Variants in PTPN11 observed in about 807,000 individuals in gnomAD.
PTPN11 encodes the protein tyrosine-protein phosphatase non-receptor type 11.
PTPN11 carries 6 observed loss-of-function variants against 78.8 expected under a neutral mutation model. The observed-to-expected ratio is 0.08, with a 90% CI of 0.04 to 0.15. PTPN11 has a LOEUF of 0.15. Among genes scored for constraint, PTPN11 ranks in the 10% least tolerant of loss-of-function variants. The probability of loss-of-function intolerance (pLI) is 1.00; values close to 1 mark genes in which losing one functional copy is unlikely to be tolerated. For missense variants in PTPN11, 386 were observed against 744.8 expected (o/e 0.52, Z 5.61); for synonymous variants, 221 against 263.5 (o/e 0.84, Z 1.56).
chr12:112,464,729 A>C (rs1175548292), intron 6 of PTPN11, among the ~76,000 whole-genome samples: 1 of 150,588 alleles, frequency 6.6e-6, no homozygotes, highest in Non-Finnish European at 1.5e-5. Flanking sequence ...CTGGCCAGTT[A>C]TTAATTTTTT....
At chr12:112,454,103 A>G (rs1566169193) in intron 4 of PTPN11, among the ~76,000 whole-genome samples, 1 of 152,154 alleles carries the variant, frequency 6.6e-6, no homozygotes, top group South Asian at 2.1e-4. Context: ...CACTTTTAGT[A>G]TATTTGTATA....
rs1317762864 is a variant in PTPN11, at chr12:112,507,123, C to T, written c.*1331C>T. On this transcript the variant is annotated 3_prime_UTR_variant, in exon 16 of 16. Coordinates refer to ENST00000351677, the MANE Select transcript of PTPN11 (RefSeq NM_002834.5). ...AGTGGGGGGCCACTAGTCTAACAGA[C>T]GGTCACAACCAGTGCCATGGAAAAC... 2.6e-5 allele frequency: 4 copies of T among 154,280 alleles called. No homozygotes were observed. Among genetic ancestry groups the T allele is most frequent in the Non-Finnish European group, 5.8e-5 (4 of 69,390 alleles). 9.6% of individuals were successfully genotyped at this position (154,280 alleles called of 1,614,324 possible). A position where few individuals can be genotyped will look rare whatever the true frequency, so the allele number is the denominator to read the frequency against.
At chr12:112,432,921 C>T (rs546862003) in intron 1 of PTPN11, among the ~76,000 whole-genome samples, 13 of 151,342 alleles carry the variant, frequency 8.6e-5, no homozygotes, top group African/African-American at 2.7e-4. Context: ...TGTGTAGTGG[C>T]GTGATCTGGG....
chr12:112,428,396 CTTTTTT>C (rs11312766), intron 1 of PTPN11, among the ~76,000 whole-genome samples: 1 of 84,482 alleles, frequency 1.2e-5, no homozygotes, highest in Non-Finnish European at 2.4e-5. Flanking sequence ...TGTGTGTTGT[CTTTTTT>C]TTTTTTTTTT....
At chr12:112,419,663 C>T (rs1296302069) in intron 1 of PTPN11, among the ~76,000 whole-genome samples, 1 of 152,234 alleles carries the variant, frequency 6.6e-6, no homozygotes, top group East Asian at 1.9e-4. Flanking sequence ...CCTCCTACCC[C>T]TCACGTGCCA....
At chr12:112,478,827 G>A (rs936777073) in intron 9 of PTPN11, among the ~76,000 whole-genome samples, 6 of 152,018 alleles carry the variant, frequency 3.9e-5, no homozygotes, top group East Asian at 3.9e-4. Context: ...TCTGCCTCCC[G>A]GTTCAAATGA....
intron 13 of PTPN11, among the ~76,000 whole-genome samples, chr12:112,498,515 T>C (rs1252050156): frequency 2.0e-5 from 3 of 152,204 alleles, no homozygotes; most frequent in South Asian, 4.1e-4. Context: ...GGTTTATGAA[T>C]GTAATCAGTT....
At chr12:112,452,143 TG>T (rs2038087029) in intron 3 of PTPN11, among the ~76,000 whole-genome samples, 1 of 152,198 alleles carries the variant, frequency 6.6e-6, no homozygotes. Flanking sequence ...CTCAAAGTGC[TG>T]GGATTATAGG....
At chr12:112,431,664 G>C (rs1331140016) in intron 1 of PTPN11, among the ~76,000 whole-genome samples, 10 of 152,274 alleles carry the variant, frequency 6.6e-5, no homozygotes, top group African/African-American at 2.2e-4. Flanking sequence ...GGGCCATGCC[G>C]TACAGGGTCC....
At position 112,459,523 on chromosome 12, in the gene PTPN11, G is replaced by A. The variant is rs2038215495; in HGVS notation, c.756+3460G>A. Among the ~76,000 whole-genome samples the A allele has an allele frequency of 2.0e-5, 3 of 151,178 alleles. No homozygotes were observed. The South Asian group carries it at 6.3e-4, about 32-fold the overall frequency. On this transcript the variant is annotated intron_variant, in intron 6 of 15. Coordinates refer to ENST00000351677, the MANE Select transcript of PTPN11 (RefSeq NM_002834.5). ...ACTCTGTCCCCCAAGCTGGAGTGCT[G>A]TGGCTTGATCTTGGCTCACTACAAC...
intron 6 of PTPN11, among the ~76,000 whole-genome samples, chr12:112,464,212 T>C (rs1179870094): frequency 1.3e-5 from 2 of 152,238 alleles, no homozygotes; most frequent in African/African-American, 4.8e-5. Flanking sequence ...CTACACGTCA[T>C]TTCAGGTATC....
rs1459303973 is a variant in PTPN11, at chr12:112,449,211, G to T, written c.138-1107G>T. Among the ~76,000 whole-genome samples the T allele has an allele frequency of 1.2e-3, 176 of 143,376 alleles. 1 individual carries two copies. The South Asian group carries it at 0.017, about 14-fold the overall frequency. The allele number at this position is 143,376 out of a possible 152,430, so 94.1% of individuals were successfully genotyped here. ...CATCACTTTTTTTTTTTTCTTAATT[G>T]CTGCATAGTGGCCGGGCACAGTGGC... On this transcript the variant is annotated intron_variant, in intron 2 of 15. Coordinates refer to ENST00000351677, the MANE Select transcript of PTPN11 (RefSeq NM_002834.5).
At chr12:112,455,866 G>C in intron 5 of PTPN11, 84 bp from the exon 6 acceptor site, 1 of 832,534 alleles carries the variant, frequency 1.2e-6, no homozygotes, top group East Asian at 2.5e-5. Flanking sequence ...TATCAACATA[G>C]ACATGTTTTT....
chr12:112,505,516 A>G (rs2038921725), intron 15 of PTPN11, among the ~76,000 whole-genome samples: 1 of 151,968 alleles, frequency 6.6e-6, no homozygotes, highest in Non-Finnish European at 1.5e-5. Flanking sequence ...CTCTACTAAA[A>G]ATAGAAAATT....
intron 1 of PTPN11, among the ~76,000 whole-genome samples, chr12:112,443,117 C>A (rs187153485): frequency 9.5e-4 from 144 of 151,410 alleles, no homozygotes; most frequent in African/African-American, 3.0e-3. Context: ...CAGTATATCA[C>A]CAAATGTATA....
chr12:112,486,380 C>T lies in PTPN11; in HGVS notation c.1225-95C>T, dbSNP rs2038675877. 8.6e-6 allele frequency: 11 copies of T among 1,272,888 alleles called. No individual in the cohort carries two copies. The South Asian group carries it at 1.4e-4, about 16-fold the overall frequency. The allele number at this position is 1,272,888 out of a possible 1,614,324, so 78.8% of individuals were successfully genotyped here. A position where few individuals can be genotyped will look rare whatever the true frequency, so the allele number is the denominator to read the frequency against. On this transcript the variant is annotated intron_variant, in intron 10 of 15. Coordinates refer to ENST00000351677, the MANE Select transcript of PTPN11 (RefSeq NM_002834.5). ...CAGTGGAACCTGGGGAGATTCTCTTCCTCTCCATTGGATTTAGGAAAGCTT... is the reference window on the plus strand; with the variant it reads ...CAGTGGAACCTGGGGAGATTCTCTTTCTCTCCATTGGATTTAGGAAAGCTT...
intron 6 of PTPN11, among the ~76,000 whole-genome samples, chr12:112,470,988 A>G (rs2038406264): frequency 6.6e-6 from 1 of 152,360 alleles, no homozygotes; most frequent in Middle Eastern, 3.4e-3. Context: ...ACCTGAGCTC[A>G]TTAAAAAAAA....
At chr12:112,471,454 A>AAGAGAGAGAGAGAG (rs56070053) in intron 6 of PTPN11, among the ~76,000 whole-genome samples, 52 of 126,350 alleles carry the variant, frequency 4.1e-4, no homozygotes, top group South Asian at 2.1e-3. Flanking sequence ...GATAAACAGA[A>AAGAGAGAGAGAGAG]AGAGAGAGAG....
chr12:112,437,493 G>A (rs556390830), intron 1 of PTPN11, among the ~76,000 whole-genome samples: 15 of 152,226 alleles, frequency 9.9e-5, no homozygotes, highest in Admixed American at 2.6e-4. Flanking sequence ...TATGATGTAT[G>A]GTTCTAACTA....
Sources: allele counts gnomAD v4.1 joint callset (sites outside exome capture counted in the v4.1 genomes callset), GRCh38; gene constraint gnomAD v4.1.1; transcripts MANE v1.5; gene names NCBI Gene and HGNC (gene_info 2026-07-23, HGNC 2026-07-21).